OTUD7A: variants seen among roughly 807,000 people sequenced by gnomAD.
OTUD7A encodes OTU domain-containing protein 7A.
Under a neutral mutation model 65.7 loss-of-function variants are expected in OTUD7A, and 12 were observed. The observed-to-expected ratio is 0.18, with a 90% confidence interval of 0.12 to 0.30. OTUD7A has a LOEUF of 0.30. Ranked by LOEUF, OTUD7A falls within the 10% of genes least tolerant of loss-of-function variation. The pLI, the probability that OTUD7A is intolerant of heterozygous loss-of-function variation, is 1.00. For synonymous variants in OTUD7A, 641 were observed against 586.3 expected, an observed-to-expected ratio of 1.09 and a Z score of -1.35; for missense variants, 1,148 against 1,304.8, an observed-to-expected ratio of 0.88 and a Z score of 1.85.
chr15:31,531,668 G>T (rs1042949772), intron 5 of OTUD7A, among the ~76,000 whole-genome samples: 1 of 151,598 alleles, frequency 6.6e-6, no homozygotes, highest in African/African-American at 2.4e-5. Context: ...ATTATAACCC[G>T]ACCACCACCC....
At chr15:31,509,297 G>A (rs76857929) in intron 8 of OTUD7A, among the ~76,000 whole-genome samples, 2 of 142,234 alleles carry the variant, frequency 1.4e-5, no homozygotes, top group Admixed American at 7.0e-5. Context: ...TTTTTTTTTG[G>A]AGACGGAGTC....
intron 3 of OTUD7A, among the ~76,000 whole-genome samples, chr15:31,646,191 C>T (rs1358783260): frequency 2.0e-5 from 3 of 152,074 alleles, no homozygotes; most frequent in Non-Finnish European, 4.4e-5. Flanking sequence ...ATCCACAGGG[C>T]TGGGGCTCTC....
intron 1 of OTUD7A, among the ~76,000 whole-genome samples, chr15:31,861,552 G>A (rs1051990656): frequency 1.3e-5 from 2 of 152,160 alleles, no homozygotes; most frequent in Non-Finnish European, 2.9e-5. Flanking sequence ...ACCCTGGAGG[G>A]ATGTCCCAAC....
At chr15:31,795,317 A>C (rs529718588) in intron 1 of OTUD7A, among the ~76,000 whole-genome samples, 1 of 152,336 alleles carries the variant, frequency 6.6e-6, no homozygotes, top group East Asian at 1.9e-4. Context: ...GGAAGGTTGA[A>C]CAGAGTCGCT....
chr15:31,813,398 G>A (rs546928973), intron 1 of OTUD7A, among the ~76,000 whole-genome samples: 1 of 152,312 alleles, frequency 6.6e-6, no homozygotes, highest in Non-Finnish European at 1.5e-5. Flanking sequence ...ATGATTTACT[G>A]CATGACACAC....
At chr15:31,546,186 T>A (rs1441058438) in intron 5 of OTUD7A, among the ~76,000 whole-genome samples, 2 of 152,212 alleles carry the variant, frequency 1.3e-5, no homozygotes, top group Admixed American at 6.5e-5. Context: ...AAATTCCCTA[T>A]GGATACTGAG....
chr15:31,830,519 T>C (rs1326537228), intron 1 of OTUD7A, among the ~76,000 whole-genome samples: 1 of 152,216 alleles, frequency 6.6e-6, no homozygotes, highest in Non-Finnish European at 1.5e-5. Flanking sequence ...TTTTGAAAGA[T>C]TAGAGAATGC....
At chr15:31,519,468 C>T (rs1436581395) in intron 8 of OTUD7A, among the ~76,000 whole-genome samples, 1 of 152,104 alleles carries the variant, frequency 6.6e-6, no homozygotes, top group Non-Finnish European at 1.5e-5. Context: ...TGATGAAAAT[C>T]CTCAACAAAC....
intron 10 of OTUD7A, among the ~76,000 whole-genome samples, chr15:31,495,660 A>C (rs1375487265): frequency 2.0e-5 from 3 of 152,038 alleles, no homozygotes; most frequent in African/African-American, 7.3e-5. Flanking sequence ...TGTGCTTTTT[A>C]CTCCCACTCT....
chr15:31,639,835 G>T (rs4369619), intron 3 of OTUD7A, among the ~76,000 whole-genome samples: 7,434 of 151,964 alleles, frequency 0.049, 360 homozygotes, highest in African/African-American at 0.13. Flanking sequence ...TCTGTTCAAA[G>T]CTTTTGCTTA....
intron 10 of OTUD7A, among the ~76,000 whole-genome samples, chr15:31,497,461 A>G (rs907631189): frequency 6.6e-6 from 1 of 151,990 alleles, no homozygotes; most frequent in African/African-American, 2.4e-5. Context: ...TGTTGCCCAG[A>G]CTGGTCTTGA....
At chr15:31,613,876 T>A (rs140709884) in intron 3 of OTUD7A, among the ~76,000 whole-genome samples, 3,382 of 152,148 alleles carry the variant, frequency 0.022, 66 homozygotes, top group Non-Finnish European at 0.033. Context: ...AACTGCAAAA[T>A]CGTGGAACCA....
intron 3 of OTUD7A, among the ~76,000 whole-genome samples, chr15:31,579,558 C>T (rs1889308600): frequency 6.6e-6 from 1 of 152,196 alleles, no homozygotes; most frequent in Non-Finnish European, 1.5e-5. Flanking sequence ...TCATGCTACT[C>T]AGAATGGTGC....
At chr15:31,870,470 C>A (rs1490986614) in intron 1 of OTUD7A, 37 bp downstream of exon 1, 1 of 147,708 alleles carries the variant, frequency 6.8e-6, no homozygotes, top group Non-Finnish European at 1.5e-5. Context: ...CCCGGCCCCG[C>A]CGCCCGCCGG....
At chr15:31,536,422 A>G (rs951864148) in intron 5 of OTUD7A, among the ~76,000 whole-genome samples, 19 of 152,360 alleles carry the variant, frequency 1.2e-4, no homozygotes, top group Non-Finnish European at 2.6e-4. Flanking sequence ...AGGATGAAAT[A>G]TAACATGCAC....
chr15:31,569,722 T>C (rs564072531), intron 4 of OTUD7A, among the ~76,000 whole-genome samples: 1 of 152,318 alleles, frequency 6.6e-6, no homozygotes, highest in South Asian at 2.1e-4. Context: ...ACTAGAGATG[T>C]TTGGTCTGAA....
intron 5 of OTUD7A, among the ~76,000 whole-genome samples, chr15:31,555,057 C>T (rs1241492518): frequency 6.6e-6 from 1 of 152,076 alleles, no homozygotes; most frequent in African/African-American, 2.4e-5. Context: ...ACAGAGGCCT[C>T]AAAAATAGAC....
chr15:31,772,393 C>A (rs1895264968), intron 1 of OTUD7A, among the ~76,000 whole-genome samples: 2 of 151,620 alleles, frequency 1.3e-5, no homozygotes, highest in Admixed American at 1.3e-4. Context: ...TTTGCATAAT[C>A]CCTGACAGAT....
intron 1 of OTUD7A, among the ~76,000 whole-genome samples, chr15:31,694,599 C>A (rs1893032281): frequency 6.6e-6 from 1 of 152,070 alleles, no homozygotes; most frequent in South Asian, 2.1e-4. Context: ...AATTTGTATC[C>A]TTTGACCAAC....
Sources: gnomAD v4.1 joint callset for allele counts (sites outside exome capture counted in the v4.1 genomes callset) on GRCh38, gnomAD v4.1.1 for gene constraint, MANE v1.5 for transcripts, NCBI Gene and HGNC (gene_info 2026-07-23, HGNC 2026-07-21) for gene names.